Variants in SPAG16 observed in about 807,000 individuals in gnomAD.
SPAG16 encodes the protein sperm-associated antigen 16 protein.
SPAG16 carries 86 observed loss-of-function variants against 80.4 expected under a neutral mutation model. The observed-to-expected ratio is 1.07, with a 90% CI of 0.90 to 1.28. SPAG16 has a LOEUF of 1.28. Among genes scored for constraint, SPAG16 ranks in the 50% most tolerant of loss-of-function variants. SPAG16 has a pLI of 0.00. For missense variants in SPAG16, 870 were observed against 765.3 expected, an observed-to-expected ratio of 1.14 and a Z score of -1.61; for synonymous variants, 294 against 265.9, an observed-to-expected ratio of 1.11 and a Z score of -1.03.
rs1193868233 is a variant in SPAG16, at chr2:214,061,386, T to C, written c.1528-46810T>C. On this transcript the variant is annotated intron_variant, in intron 13 of 15. Transcript: ENST00000331683. The stretch of plus-strand genomic sequence containing the variant: ...TGTATTAGTATGAGTTTTCCAGAGA[T>C]ATAGAACCAATGGAATGTATGCATG... 3.3e-5 allele frequency among the ~76,000 whole-genome samples: 5 copies of C among 152,174 alleles called. No individual in the cohort carries two copies. In the East Asian group the frequency reaches 9.6e-4, roughly 29 times the overall value.
At chr2:213,333,388 G>A (rs1292954821) in intron 5 of SPAG16, among the ~76,000 whole-genome samples, 1 of 152,054 alleles carries the variant, frequency 6.6e-6, no homozygotes, top group Non-Finnish European at 1.5e-5. Context: ...ACATGTTTAT[G>A]GGTTCTAAGA....
intron 5 of SPAG16, among the ~76,000 whole-genome samples, chr2:213,338,696 G>T (rs2064512269): frequency 6.6e-6 from 1 of 152,186 alleles, no homozygotes; most frequent in African/African-American, 2.4e-5. Context: ...AAAGGAATGG[G>T]ACCATGTCCT....
Position 213,541,982 on chromosome 2 carries a change from C to T in SPAG16, c.1070+51892C>T, listed in dbSNP as rs113706628. 7.8e-4 allele frequency among the ~76,000 whole-genome samples: 119 copies of T among 152,240 alleles called. 2 individuals are homozygous for T. The highest frequency in any genetic ancestry group is 3.4e-3 in the Middle Eastern group (1 of 294). On this transcript the variant is annotated intron_variant, in intron 10 of 15. Coordinates refer to ENST00000331683, the MANE Select transcript of SPAG16 (RefSeq NM_024532.5). Reference sequence around the variant, plus strand: ...CCCAGGTGCCATCGTCTGTAAGTACCACAAAGTCAGAGTTAGTTTAATCCA... The same window carrying T: ...CCCAGGTGCCATCGTCTGTAAGTACTACAAAGTCAGAGTTAGTTTAATCCA...
intron 10 of SPAG16, among the ~76,000 whole-genome samples, chr2:213,777,249 T>A (rs898900516): frequency 1.5e-5 from 2 of 137,532 alleles, no homozygotes; most frequent in African/African-American, 5.5e-5. Context: ...TTTTTTTTTT[T>A]TTTTTTTTTT....
At chr2:214,104,269 G>A (rs188929837) in intron 13 of SPAG16, among the ~76,000 whole-genome samples, 6 of 152,276 alleles carry the variant, frequency 3.9e-5, no homozygotes, top group South Asian at 2.1e-4. Context: ...GACAAGAGCC[G>A]AACAATACAG....
chr2:214,195,622 C>T (rs2057813711), intron 15 of SPAG16, among the ~76,000 whole-genome samples: 2 of 151,890 alleles, frequency 1.3e-5, no homozygotes, highest in South Asian at 2.1e-4. Context: ...AGTGACTTGA[C>T]CCCCTTGGCT....
intron 15 of SPAG16, among the ~76,000 whole-genome samples, chr2:214,322,310 C>G (rs1696152263): frequency 2.0e-5 from 3 of 152,138 alleles, no homozygotes; most frequent in Non-Finnish European, 2.9e-5. Flanking sequence ...ATTTTTAAAA[C>G]CACCCCAGGT....
chr2:213,648,004 C>G (rs2062883745), intron 10 of SPAG16, among the ~76,000 whole-genome samples: 1 of 152,122 alleles, frequency 6.6e-6, no homozygotes, highest in Non-Finnish European at 1.5e-5. Context: ...GAAATGTCTA[C>G]TCTCTTAAAT....
At chr2:214,180,098 T>C (rs759601420) in intron 15 of SPAG16, among the ~76,000 whole-genome samples, 1 of 151,634 alleles carries the variant, frequency 6.6e-6, no homozygotes, top group Admixed American at 6.6e-5. Flanking sequence ...CAAACTACTG[T>C]TTTACTAAAT....
intron 9 of SPAG16, among the ~76,000 whole-genome samples, chr2:213,385,833 A>T (rs1457243685): frequency 1.3e-5 from 2 of 151,542 alleles, no homozygotes; most frequent in Non-Finnish European, 1.5e-5. Flanking sequence ...ACTTCTTGTA[A>T]CTCAGAATAA....
chr2:214,378,502 T>A (rs1167289047), intron 15 of SPAG16, among the ~76,000 whole-genome samples: 1 of 152,154 alleles, frequency 6.6e-6, no homozygotes, highest in Non-Finnish European at 1.5e-5. Context: ...CCTTATAAGT[T>A]TGGGAAGGCT....
intron 10 of SPAG16, among the ~76,000 whole-genome samples, chr2:213,549,199 A>G (rs1156677320): frequency 6.6e-6 from 1 of 151,774 alleles, no homozygotes; most frequent in Non-Finnish European, 1.5e-5. Flanking sequence ...AAAGACCTAT[A>G]ATATAACATT....
intron 10 of SPAG16, among the ~76,000 whole-genome samples, chr2:213,551,626 A>G (rs1359622222): frequency 1.3e-5 from 2 of 152,126 alleles, no homozygotes; most frequent in Admixed American, 1.3e-4. Flanking sequence ...TCTATTTCCT[A>G]TAGTGTTATT....
chr2:213,989,606 A>G (rs2046182304), intron 12 of SPAG16, among the ~76,000 whole-genome samples: 1 of 152,138 alleles, frequency 6.6e-6, no homozygotes, highest in Non-Finnish European at 1.5e-5. Flanking sequence ...TATCTGAACC[A>G]CTATATTTAC....
chr2:214,399,619 G>A (rs561344112), intron 15 of SPAG16, among the ~76,000 whole-genome samples: 3 of 151,962 alleles, frequency 2.0e-5, no homozygotes, highest in Non-Finnish European at 4.4e-5. Flanking sequence ...TTAAAATGTA[G>A]TTATGGTTTC....
At chr2:213,854,619 C>A (rs560673999) in intron 10 of SPAG16, among the ~76,000 whole-genome samples, 1 of 152,310 alleles carries the variant, frequency 6.6e-6, no homozygotes, top group African/African-American at 2.4e-5. Context: ...AAGTCCTGTA[C>A]AAGTATTAAC....
intron 9 of SPAG16, among the ~76,000 whole-genome samples, chr2:213,447,713 C>T (rs1210612659): frequency 1.3e-5 from 2 of 152,202 alleles, no homozygotes; most frequent in Non-Finnish European, 2.9e-5. Flanking sequence ...TGTGTTAAGC[C>T]TCCTTTGTGC....
At chr2:213,584,254 T>C (rs1442711802) in intron 10 of SPAG16, among the ~76,000 whole-genome samples, 1 of 151,718 alleles carries the variant, frequency 6.6e-6, no homozygotes, top group Non-Finnish European at 1.5e-5. Flanking sequence ...TGTACTCTTA[T>C]CGTTTTTAAA....
At chr2:214,186,609 G>T (rs1451580647) in intron 15 of SPAG16, among the ~76,000 whole-genome samples, 2 of 152,024 alleles carry the variant, frequency 1.3e-5, no homozygotes, top group Non-Finnish European at 2.9e-5. Context: ...AAGTGTTCTG[G>T]AGCATACATG....
Sources: allele counts gnomAD v4.1 joint callset (sites outside exome capture counted in the v4.1 genomes callset), GRCh38; gene constraint gnomAD v4.1.1; transcripts MANE v1.5; gene names NCBI Gene and HGNC (gene_info 2026-07-23, HGNC 2026-07-21).